Variants in PAK2 observed in about 807,000 individuals in gnomAD.
The protein encoded by PAK2 is serine/threonine-protein kinase PAK 2.
A neutral mutation model predicts 65.9 loss-of-function variants in PAK2; 21 were observed. The ratio of observed to expected loss-of-function variants is 0.32; its 90% CI spans 0.23 to 0.46. The LOEUF (loss-of-function observed/expected upper bound fraction) is 0.46, where lower values mean the gene tolerates loss of function less well. Ranked by LOEUF, PAK2 falls within the 20% of genes least tolerant of loss-of-function variation. The pLI is 1.00. For missense variants in PAK2, 324 were observed against 642.6 expected (o/e 0.50, Z 5.36); for synonymous variants, 204 against 219.7 (o/e 0.93, Z 0.63).
At chr3:196,806,102 G>A (rs757407437) in intron 5 of PAK2, among the ~76,000 whole-genome samples, 2 of 151,700 alleles carry the variant, frequency 1.3e-5, no homozygotes, top group South Asian at 2.1e-4. Context: ...TAGTAGAGAC[G>A]GGGTTTTACC....
At chr3:196,821,645 C>T (rs1291703572) in intron 13 of PAK2, among the ~76,000 whole-genome samples, 6 of 150,400 alleles carry the variant, frequency 4.0e-5, no homozygotes, top group South Asian at 2.1e-4. Context: ...ATCATGCCAT[C>T]GCACTCCAGC....
chr3:196,756,436 C>T (rs987486906), intron 1 of PAK2, among the ~76,000 whole-genome samples: 4 of 152,170 alleles, frequency 2.6e-5, no homozygotes, highest in Admixed American at 1.3e-4. Context: ...CTGTCAGCAG[C>T]TTAACTCATT....
At chr3:196,811,086 C>G (rs1715769304) in intron 8 of PAK2, among the ~76,000 whole-genome samples, 1 of 151,808 alleles carries the variant, frequency 6.6e-6, no homozygotes, top group Non-Finnish European at 1.5e-5. Flanking sequence ...TTTTCTGTTG[C>G]TTGGAAGCAA....
chr3:196,782,960 A>G (rs1225402274), intron 2 of PAK2, 127 bp downstream of exon 2: 1 of 498,042 alleles, frequency 2.0e-6, no homozygotes, highest in South Asian at 5.0e-5. Context: ...ATATACAGGC[A>G]CTATTAAAAA....
Position 196,819,920 on chromosome 3 carries a change from T to C in PAK2, c.1154-451T>C, listed in dbSNP as rs976254942. Among the ~76,000 whole-genome samples, 44 of 152,108 alleles carry C rather than the reference T, an allele frequency of 2.9e-4. 2 individuals carry two copies. The highest frequency in any genetic ancestry group is 1.5e-4 in the Non-Finnish European group (10 of 68,012). On this transcript the variant is annotated intron_variant, in intron 12 of 14. Transcript: ENST00000327134. ...TGGGAGGCCAAGGTGGGAAGATCCC[T>C]CCCATGTTGCCCAGGAGTTCAAGAC...
At position 196,767,646 on chromosome 3, in the gene PAK2, G is replaced by A. The variant is rs140399301; in HGVS notation, c.-21-14980G>A. On this transcript the variant is annotated intron_variant, in intron 1 of 14. Coordinates refer to ENST00000327134, the MANE Select transcript of PAK2 (RefSeq NM_002577.4). ...TGGGACTACAGGTGACCGCCACCAC[G>A]CCCAGCTAATTTTTTCTGTGTGTGC... 1.2e-3 allele frequency among the ~76,000 whole-genome samples: 186 copies of A among 151,884 alleles called. 4 individuals are homozygous for A. The highest frequency in any genetic ancestry group is 4.2e-3 in the African/African-American group (172 of 41,314).
intron 1 of PAK2, among the ~76,000 whole-genome samples, chr3:196,781,932 C>T (rs901064162): frequency 4.6e-5 from 7 of 152,076 alleles, no homozygotes; most frequent in African/African-American, 9.7e-5. Context: ...GGTGAAACCC[C>T]GTCTCTACTA....
chr3:196,774,925 C>A (rs1714487392), intron 1 of PAK2, among the ~76,000 whole-genome samples: 1 of 152,188 alleles, frequency 6.6e-6, no homozygotes, highest in African/African-American at 2.4e-5. Context: ...ATAGAAACTA[C>A]TTTTGCACCA....
At chr3:196,771,733 T>G (rs961958040) in intron 1 of PAK2, among the ~76,000 whole-genome samples, 2 of 152,100 alleles carry the variant, frequency 1.3e-5, no homozygotes, top group African/African-American at 4.8e-5. Context: ...TAATTTTGTA[T>G]TTTTAGTAGA....
At position 196,820,052 on chromosome 3, in the gene PAK2, G is replaced by A. The variant is rs1488144864; in HGVS notation, c.1154-319G>A. On this transcript the variant is annotated intron_variant, in intron 12 of 14. Transcript: ENST00000327134. This position sits in a 1 kb window ranked among gnomAD's most constrained non-coding sequence, Gnocchi z 4.6. ...TGACCTGACCTTTACCTGATTCACTGCATTTAGTTTTGGTGTCTACTTTTG... is the reference window on the plus strand; with the variant it reads ...TGACCTGACCTTTACCTGATTCACTACATTTAGTTTTGGTGTCTACTTTTG... Among the ~76,000 whole-genome samples the A allele has an allele frequency of 6.6e-6, 1 of 152,152 alleles. No homozygotes were observed. The highest frequency in any genetic ancestry group is 1.5e-5 in the Non-Finnish European group (1 of 68,028).
chr3:196,814,608 G>A, intron 11 of PAK2, 40 bp downstream of exon 11: 1 of 841,970 alleles, frequency 1.2e-6, no homozygotes, highest in East Asian at 2.5e-5. Flanking sequence ...GGTGATATGT[G>A]GTTAGCAAGA....
Position 196,785,316 on chromosome 3 carries a change from CA to C in PAK2, c.187+2486del, listed in dbSNP as rs199919448. On this transcript the variant is annotated intron_variant, in intron 2 of 14. Transcript: ENST00000327134. ...TGTATTTCTTGGTGTGGGTCCTGAC[CA>C]AAGATTTAAAGGTCATTCAGAGATG... 7.0e-3 allele frequency among the ~76,000 whole-genome samples: 1,068 copies of C among 152,068 alleles called. 8 individuals are homozygous for C. Among genetic ancestry groups the C allele is most frequent in the Non-Finnish European group, 0.011 (768 of 67,978 alleles).
intron 1 of PAK2, among the ~76,000 whole-genome samples, chr3:196,762,293 G>A (rs1714004306): frequency 7.7e-6 from 1 of 129,874 alleles, no homozygotes; most frequent in South Asian, 2.6e-4. Context: ...CCCAGACGGG[G>A]TGGCGGCCGG....
chr3:196,811,059 T>C (rs1053197886), intron 8 of PAK2, among the ~76,000 whole-genome samples: 1 of 152,008 alleles, frequency 6.6e-6, no homozygotes, highest in African/African-American at 2.4e-5. Flanking sequence ...TTTTAAAGTA[T>C]ACTAACTAAA....
At chr3:196,817,696 GC>G (rs1187524738) in intron 11 of PAK2, among the ~76,000 whole-genome samples, 1 of 151,526 alleles carries the variant, frequency 6.6e-6, no homozygotes, top group East Asian at 1.9e-4. Context: ...ATGGGGTTTT[GC>G]CATGTTGGCC....
chr3:196,761,086 G>C (rs1713944843), intron 1 of PAK2, among the ~76,000 whole-genome samples: 1 of 151,092 alleles, frequency 6.6e-6, no homozygotes, highest in Non-Finnish European at 1.5e-5. Flanking sequence ...AAATTAGCCG[G>C]GTGTGGTTGT....
chr3:196,823,189 G>C (rs1225080049), intron 13 of PAK2, among the ~76,000 whole-genome samples: 1 of 152,176 alleles, frequency 6.6e-6, no homozygotes, highest in Non-Finnish European at 1.5e-5. Context: ...TGATGGCCTA[G>C]ACCAGGGCAG....
chr3:196,800,447 A>G (rs1288786290), intron 2 of PAK2, among the ~76,000 whole-genome samples: 1 of 152,202 alleles, frequency 6.6e-6, no homozygotes, highest in East Asian at 1.9e-4. Flanking sequence ...ATTCATTCCA[A>G]TTCTAGTCAG....
intron 13 of PAK2, among the ~76,000 whole-genome samples, chr3:196,825,439 T>A (rs7641143): frequency 6.6e-6 from 1 of 151,328 alleles, no homozygotes; most frequent in Non-Finnish European, 1.5e-5. Context: ...GTTGGGAGTT[T>A]AAGACCAGCC....
Sources: allele counts gnomAD v4.1 joint callset (sites outside exome capture counted in the v4.1 genomes callset), GRCh38; gene constraint gnomAD v4.1.1; non-coding constraint Gnocchi (gnomAD v3.1); transcripts MANE v1.5; gene names NCBI Gene and HGNC (gene_info 2026-07-23, HGNC 2026-07-21).